SPPL3: variants seen among roughly 807,000 people sequenced by gnomAD.
SPPL3 encodes signal peptide peptidase like 3.
In SPPL3, 5 loss-of-function variants were observed where a neutral mutation model predicts 42.4. That is an observed-to-expected ratio of 0.12 (90% CI 0.06 to 0.25). SPPL3 has a LOEUF of 0.25. Among genes scored for constraint, SPPL3 ranks in the 10% least tolerant of loss-of-function variants. The probability of loss-of-function intolerance (pLI) is 1.00; values close to 1 mark genes in which losing one functional copy is unlikely to be tolerated. For missense variants in SPPL3, 235 were observed against 489.0 expected (o/e 0.48, Z 4.90); for synonymous variants, 195 against 181.8 (o/e 1.07, Z -0.58).
intron 1 of SPPL3, among the ~76,000 whole-genome samples, chr12:120,854,303 A>G (rs1177936364): frequency 6.6e-6 from 1 of 152,182 alleles, no homozygotes; most frequent in Non-Finnish European, 1.5e-5. Flanking sequence ...AACATGGTCC[A>G]CCCCTAAAAC....
At chr12:120,827,298 G>T (rs376733364) in intron 1 of SPPL3, among the ~76,000 whole-genome samples, 4 of 148,600 alleles carry the variant, frequency 2.7e-5, no homozygotes, top group African/African-American at 7.4e-5. Context: ...ATGAGACCAA[G>T]AAATATAACT....
At chr12:120,770,849 A>T (rs1869092553) in intron 6 of SPPL3, among the ~76,000 whole-genome samples, 1 of 152,114 alleles carries the variant, frequency 6.6e-6, no homozygotes. Context: ...AGACTCATAC[A>T]TCCTGTGGCC....
chr12:120,822,082 C>T (rs1422350500), intron 1 of SPPL3, among the ~76,000 whole-genome samples: 1 of 151,992 alleles, frequency 6.6e-6, no homozygotes, highest in Non-Finnish European at 1.5e-5. Flanking sequence ...TAGCGGATAC[C>T]AGGACTGGAG....
intron 2 of SPPL3, among the ~76,000 whole-genome samples, chr12:120,792,497 C>A (rs1178182908): frequency 6.6e-6 from 1 of 151,798 alleles, no homozygotes; most frequent in Non-Finnish European, 1.5e-5. Flanking sequence ...GTCAGAAGAT[C>A]GAGACCATCC....
Position 120,763,856 on chromosome 12 carries a change from C to T in SPPL3, c.*1143G>A, listed in dbSNP as rs1224017850. The T allele has an allele frequency of 3.0e-5, 4 of 134,286 alleles. No individual in the cohort carries two copies. Among genetic ancestry groups the T allele is most frequent in the African/African-American group, 1.2e-4 (4 of 33,544 alleles). The allele number at this position is 134,286 out of a possible 1,614,324, so 8.3% of individuals were successfully genotyped here. ...GAGGGCATGGAAAATATACAGCACA[C>T]CAATGAAACAAAATGTCAAAAAAAA... On this transcript the variant is annotated 3_prime_UTR_variant, in exon 11 of 11. Coordinates refer to ENST00000353487, the MANE Select transcript of SPPL3 (RefSeq NM_139015.5).
chr12:120,808,417 C>T (rs935057152), intron 2 of SPPL3, among the ~76,000 whole-genome samples: 2 of 152,040 alleles, frequency 1.3e-5, no homozygotes, highest in East Asian at 1.9e-4. Context: ...CAGAGAAATC[C>T]TTTCCATCTA....
At chr12:120,858,297 TA>T (rs984769773) in intron 1 of SPPL3, among the ~76,000 whole-genome samples, 1 of 151,928 alleles carries the variant, frequency 6.6e-6, no homozygotes, top group Non-Finnish European at 1.5e-5. Flanking sequence ...ACCCTATCTT[TA>T]AAAATACAAA....
At chr12:120,852,901 A>T (rs1272356035) in intron 1 of SPPL3, among the ~76,000 whole-genome samples, 2 of 15,578 alleles carry the variant, frequency 1.3e-4, no homozygotes, top group African/African-American at 2.0e-4. Context: ...ATATATATAT[A>T]TATATTTTTT....
rs921607299 is a variant in SPPL3, at chr12:120,853,994, A to G, written c.24-43108T>C. Among the ~76,000 whole-genome samples, 14 of 135,428 alleles carry G rather than the reference A, an allele frequency of 1.0e-4. No homozygotes were observed. In the South Asian group the frequency reaches 2.8e-3, roughly 27 times the overall value. 88.8% of individuals were successfully genotyped at this position (135,428 alleles called of 152,430 possible). The stretch of plus-strand genomic sequence containing the variant: ...CACACACGCACACATACACACACAC[A>G]CACACACACACACACACACACACAC... On this transcript the variant is annotated intron_variant, in intron 1 of 10. Coordinates refer to ENST00000353487, the MANE Select transcript of SPPL3 (RefSeq NM_139015.5).
chr12:120,822,506 G>A (rs1222225569), intron 1 of SPPL3, among the ~76,000 whole-genome samples: 1 of 152,154 alleles, frequency 6.6e-6, no homozygotes, highest in Non-Finnish European at 1.5e-5. Context: ...GAATGCTACA[G>A]ATTGACATTT....
intron 1 of SPPL3, among the ~76,000 whole-genome samples, chr12:120,897,649 GA>G (rs1873850517): frequency 6.6e-6 from 1 of 152,120 alleles, no homozygotes; most frequent in Non-Finnish European, 1.5e-5. Context: ...CGTGAACCCG[GA>G]AGGCGGAGGT....
intron 2 of SPPL3, among the ~76,000 whole-genome samples, chr12:120,805,347 ACT>A (rs1870453316): frequency 6.6e-6 from 1 of 152,128 alleles, no homozygotes; most frequent in South Asian, 2.1e-4. Context: ...TCATGATAAA[ACT>A]CTCCACAAAC....
intron 1 of SPPL3, among the ~76,000 whole-genome samples, chr12:120,848,740 T>C (rs1028838401): frequency 1.1e-4 from 16 of 152,326 alleles, no homozygotes; most frequent in African/African-American, 3.4e-4. Flanking sequence ...AAGGAAAGGT[T>C]AGATTTCTCA....
intron 6 of SPPL3, among the ~76,000 whole-genome samples, chr12:120,774,456 T>C (rs987165646): frequency 3.3e-5 from 5 of 152,230 alleles, no homozygotes; most frequent in African/African-American, 1.2e-4. Flanking sequence ...GGCTCTGCCT[T>C]GGCATCTGTC....
In SPPL3 at chr12:120,766,381, A is replaced by G. The variant is rs753461894; in HGVS notation, c.974-9T>C. 1.3e-6 allele frequency: 2 copies of G among 1,568,834 alleles called. No individual in the cohort carries two copies. Among genetic ancestry groups the G allele is most frequent in the East Asian group, 2.3e-5 (1 of 43,378 alleles). On this transcript the variant is annotated splice_polypyrimidine_tract_variant and intron_variant, in intron 9 of 10. Transcript: ENST00000353487. ...AGTAGCAGTGAGCAGGCCTGTGAGGAGAGAGAGGCATCTGTGAGACACGAG... is the reference window on the plus strand; with the variant it reads ...AGTAGCAGTGAGCAGGCCTGTGAGGGGAGAGAGGCATCTGTGAGACACGAG...
Position 120,904,311 on chromosome 12 carries a change from G to T in SPPL3, c.-444C>A, listed in dbSNP as rs1258641619. ...GCGGAGGCGGCGGCGACTGAGGGGG[G>T]CGCTAGGCGATGAGGCGAGGCCACT... On this transcript the variant is annotated 5_prime_UTR_variant, in exon 1 of 11. Coordinates refer to ENST00000353487, the MANE Select transcript of SPPL3 (RefSeq NM_139015.5). 3.6e-5 allele frequency: 6 copies of T among 165,996 alleles called. No homozygotes were observed. In the East Asian group the frequency reaches 1.1e-3, roughly 30 times the overall value. 10.3% of individuals were successfully genotyped at this position (165,996 alleles called of 1,614,324 possible).
At chr12:120,780,835 G>A (rs558595765) in intron 6 of SPPL3, among the ~76,000 whole-genome samples, 6 of 151,874 alleles carry the variant, frequency 4.0e-5, no homozygotes, top group South Asian at 2.1e-4. Context: ...GTTGGAATCC[G>A]GGAGACGAAG....
chr12:120,880,521 G>A (rs1442475925), intron 1 of SPPL3, among the ~76,000 whole-genome samples: 1 of 152,084 alleles, frequency 6.6e-6, no homozygotes. Flanking sequence ...GGGTGTGGTA[G>A]CTCATACCTG....
At chr12:120,843,881 C>T (rs1317412591) in intron 1 of SPPL3, among the ~76,000 whole-genome samples, 6 of 152,164 alleles carry the variant, frequency 3.9e-5, no homozygotes, top group Admixed American at 1.3e-4. Flanking sequence ...TCGCTTGAAC[C>T]CGGGAGGCGG....
Sources: allele counts gnomAD v4.1 joint callset (sites outside exome capture counted in the v4.1 genomes callset), GRCh38; gene constraint gnomAD v4.1.1; transcripts MANE v1.5; gene names NCBI Gene and HGNC (gene_info 2026-07-23, HGNC 2026-07-21).